The following AP3B1 variants were observed in gnomAD, a reference collection of about 807,000 sequenced individuals.
AP3B1 encodes the protein AP-3 complex subunit beta-1.
Under a neutral mutation model 132.5 loss-of-function variants are expected in AP3B1, and 61 were observed. That is an observed-to-expected ratio of 0.46 (90% CI 0.37 to 0.57). The LOEUF (loss-of-function observed/expected upper bound fraction) is 0.57. Ranked by LOEUF, AP3B1 falls within the 20% of genes least tolerant of loss-of-function variation. The pLI is 0.00. For synonymous variants in AP3B1, 388 were observed against 438.3 expected (o/e 0.89, Z 1.43); for missense variants, 1,120 against 1,289.4 (o/e 0.87, Z 2.01).
chr5:78,291,419 T>A (rs1421249753), intron 1 of AP3B1, among the ~76,000 whole-genome samples: 8 of 33,670 alleles, frequency 2.4e-4, no homozygotes, highest in Non-Finnish European at 1.8e-4. Flanking sequence ...ACAGATAATT[T>A]GAAAAAAAAA....
At position 78,238,925 on chromosome 5, in the gene AP3B1, C is replaced by A. The variant is rs548080260; in HGVS notation, c.279+1937G>T. On this transcript the variant is annotated intron_variant, in intron 3 of 26. Transcript: ENST00000255194. ...GGCTGCAACTATACGCTGTCAACAA[C>A]AGGTGCACACTAGATATAAACAGAC... Among the ~76,000 whole-genome samples, 30 of 149,444 alleles carry A rather than the reference C, an allele frequency of 2.0e-4. No individual in the cohort carries two copies. In the South Asian group the frequency reaches 6.5e-3, roughly 33 times the overall value.
At chr5:78,242,897 T>G (rs1032957128) in intron 2 of AP3B1, among the ~76,000 whole-genome samples, 1 of 152,216 alleles carries the variant, frequency 6.6e-6, no homozygotes, top group Non-Finnish European at 1.5e-5. Flanking sequence ...ATAGGGTAAT[T>G]TGGGGAAAAG....
intron 24 of AP3B1, among the ~76,000 whole-genome samples, chr5:78,024,447 T>C (rs1005173427): frequency 3.3e-5 from 5 of 152,018 alleles, no homozygotes; most frequent in Non-Finnish European, 7.4e-5. Flanking sequence ...TGGAGTGCAG[T>C]GGTGTGATGA....
At chr5:78,110,009 A>G (rs998995094) in intron 20 of AP3B1, among the ~76,000 whole-genome samples, 198 bp downstream of exon 20, 3 of 152,138 alleles carry the variant, frequency 2.0e-5, no homozygotes, top group Non-Finnish European at 4.4e-5. Context: ...AAAAAAGGTC[A>G]TATGCGTAAG....
At chr5:78,176,798 A>G (rs1166232952) in intron 9 of AP3B1, among the ~76,000 whole-genome samples, 1 of 152,220 alleles carries the variant, frequency 6.6e-6, no homozygotes, top group Non-Finnish European at 1.5e-5. Context: ...TGAAACTAAG[A>G]GTATGCAATC....
intron 21 of AP3B1, among the ~76,000 whole-genome samples, chr5:78,089,980 T>C (rs1427336386): frequency 6.6e-6 from 1 of 152,240 alleles, no homozygotes; most frequent in Non-Finnish European, 1.5e-5. Flanking sequence ...GCAAAAGCTA[T>C]GTGCTAGATA....
intron 24 of AP3B1, among the ~76,000 whole-genome samples, chr5:78,029,676 T>A: frequency 6.6e-6 from 1 of 152,172 alleles, no homozygotes; most frequent in Admixed American, 6.5e-5. Flanking sequence ...TATTATTATT[T>A]TTTTGAATAG....
chr5:78,197,496 A>G (rs1410275023), intron 7 of AP3B1, among the ~76,000 whole-genome samples: 10 of 152,182 alleles, frequency 6.6e-5, no homozygotes, highest in Non-Finnish European at 1.3e-4. Context: ...ATACTTAAGT[A>G]GTAGTACTTT....
chr5:78,134,033 C>A (rs1291809361), intron 15 of AP3B1, among the ~76,000 whole-genome samples: 2 of 151,572 alleles, frequency 1.3e-5, no homozygotes, highest in African/African-American at 4.9e-5. Flanking sequence ...CACCCGTAGT[C>A]CCAGCTACTC....
chr5:78,097,411 G>A (rs1305411122), intron 21 of AP3B1, among the ~76,000 whole-genome samples: 4 of 128,844 alleles, frequency 3.1e-5, no homozygotes, highest in Admixed American at 7.4e-5. Context: ...CCGGCCAGCC[G>A]CCTCGTCCGG....
intron 7 of AP3B1, among the ~76,000 whole-genome samples, chr5:78,211,437 CTAAAT>C (rs1236703299): frequency 1.3e-5 from 2 of 152,130 alleles, no homozygotes; most frequent in African/African-American, 4.8e-5. Flanking sequence ...TGCAAATAAA[CTAAAT>C]TAAAAATCTC....
chr5:78,080,925 G>T (rs1749973555), intron 22 of AP3B1, among the ~76,000 whole-genome samples: 1 of 152,154 alleles, frequency 6.6e-6, no homozygotes, highest in Admixed American at 6.5e-5. Context: ...GTCTCTCTTT[G>T]ATACACCTGT....
At chr5:78,053,751 G>A (rs564109721) in intron 22 of AP3B1, among the ~76,000 whole-genome samples, 3 of 150,892 alleles carry the variant, frequency 2.0e-5, no homozygotes, top group African/African-American at 4.9e-5. Context: ...TGTCCCTTCC[G>A]ATCTTTTGCT....
intron 22 of AP3B1, among the ~76,000 whole-genome samples, chr5:78,086,525 AGGT>A (rs1464880660): frequency 6.6e-6 from 1 of 152,164 alleles, no homozygotes; most frequent in Non-Finnish European, 1.5e-5. Flanking sequence ...ACTTGAACAC[AGGT>A]GGTCTGAATC....
In AP3B1 at chr5:78,190,095, CTAAAA is replaced by C. The variant is rs1472377903; in HGVS notation, c.787-8438_787-8434del. Reference sequence around the variant, plus strand: ...ATAATATTACAGAAATTGTAATTTCCTAAAATAAAAGGGATTATTTGAAATAACAA... The same window carrying C: ...ATAATATTACAGAAATTGTAATTTCCTAAAAGGGATTATTTGAAATAACAA... On this transcript the variant is annotated intron_variant, in intron 7 of 26. Coordinates refer to ENST00000255194, the MANE Select transcript of AP3B1 (RefSeq NM_003664.5). Among the ~76,000 whole-genome samples, 3 of 151,608 alleles carry C rather than the reference CTAAAA, an allele frequency of 2.0e-5. No individual in the cohort carries two copies. In the East Asian group the frequency reaches 5.8e-4, roughly 29 times the overall value.
chr5:78,069,685 T>C (rs1749452225), intron 22 of AP3B1, among the ~76,000 whole-genome samples: 1 of 152,186 alleles, frequency 6.6e-6, no homozygotes. Flanking sequence ...CCTAAAGTAA[T>C]TCATGGATTC....
chr5:78,110,462 A>C (rs1264660873), intron 19 of AP3B1, 108 bp from the exon 20 acceptor site: 1 of 775,190 alleles, frequency 1.3e-6, no homozygotes, highest in Non-Finnish European at 2.1e-6. Flanking sequence ...GTAATAAAAA[A>C]GGTATTACCC....
chr5:78,152,245 T>C (rs997508863), intron 14 of AP3B1, among the ~76,000 whole-genome samples: 1 of 151,412 alleles, frequency 6.6e-6, no homozygotes, highest in African/African-American at 2.4e-5. Flanking sequence ...ATAGTTTCAG[T>C]AGACTTGGTA....
chr5:78,094,674 T>TCC, intron 21 of AP3B1, among the ~76,000 whole-genome samples: 1 of 151,920 alleles, frequency 6.6e-6, no homozygotes, highest in Admixed American at 6.6e-5. Context: ...GACTGACTCT[T>TCC]TTTTTCTTTC....
Sources: gnomAD v4.1 joint callset for allele counts (sites outside exome capture counted in the v4.1 genomes callset) on GRCh38, gnomAD v4.1.1 for gene constraint, MANE v1.5 for transcripts, NCBI Gene and HGNC (gene_info 2026-07-23, HGNC 2026-07-21) for gene names.